Variants in CRACR2A observed in about 807,000 individuals in gnomAD.
The protein encoded by CRACR2A is calcium release activated channel regulator 2A.
In CRACR2A, 79 loss-of-function variants were observed where a neutral mutation model predicts 90.5. That is an observed-to-expected ratio of 0.87 (90% confidence interval 0.73 to 1.05). CRACR2A has a LOEUF of 1.05. Ranked by LOEUF, CRACR2A falls within the 50% of genes least tolerant of loss-of-function variation. The pLI, the probability that CRACR2A is intolerant of heterozygous loss-of-function variation, is 0.00. For synonymous variants in CRACR2A, 338 were observed against 356.7 expected (o/e 0.95, Z 0.59); for missense variants, 823 against 897.2 (o/e 0.92, Z 1.06).
intron 2 of CRACR2A, chr12:3,728,272 G>C (rs1946302905): frequency 6.6e-6 from 1 of 152,258 alleles, no homozygotes; most frequent in African/African-American, 2.4e-5. Context: ...AGCTGCAGCT[G>C]AAGACCATAG....
intron 7 of CRACR2A, 41 bp downstream of exon 7, chr12:3,673,405 C>A: frequency 6.3e-7 from 1 of 1,579,668 alleles, no homozygotes; most frequent in South Asian, 1.2e-5. Flanking sequence ...CTCTCTTTTT[C>A]ACACATAGTT....
At chr12:3,656,772 C>T (rs10848904) in intron 8 of CRACR2A, among the ~76,000 whole-genome samples, 41,448 of 151,936 alleles carry the variant, frequency 0.27, 5,997 homozygotes, top group East Asian at 0.45. Flanking sequence ...TCCTCATGTG[C>T]AAATTGGGGG....
At chr12:3,673,409 C>T (rs1246635653) in intron 7 of CRACR2A, 37 bp downstream of exon 7, 1 of 1,586,508 alleles carries the variant, frequency 6.3e-7, no homozygotes, top group East Asian at 2.2e-5. Context: ...CTTTTTCACA[C>T]ATAGTTACAG....
chr12:3,686,474 G>C (rs1945555073), intron 4 of CRACR2A, among the ~76,000 whole-genome samples: 1 of 152,186 alleles, frequency 6.6e-6, no homozygotes, highest in South Asian at 2.1e-4. Flanking sequence ...GGGGAGGCAG[G>C]TGCTTGGTGT....
At chr12:3,674,517 A>C (rs1299815470) in intron 6 of CRACR2A, among the ~76,000 whole-genome samples, 1 of 152,244 alleles carries the variant, frequency 6.6e-6, no homozygotes, top group Non-Finnish European at 1.5e-5. Context: ...AATCTGAAAG[A>C]GGATAGGTTT....
At chr12:3,647,962 A>G in intron 11 of CRACR2A, 1 of 985,540 alleles carries the variant, frequency 1.0e-6, no homozygotes, top group Non-Finnish European at 1.2e-6. Flanking sequence ...CTTTGAGTTT[A>G]TTGCTGGGGG....
intron 2 of CRACR2A, among the ~76,000 whole-genome samples, chr12:3,719,177 A>G (rs1946121121): frequency 6.6e-6 from 1 of 152,198 alleles, no homozygotes; most frequent in Admixed American, 6.5e-5. Flanking sequence ...AACCAAGCAC[A>G]TCTCAAACCC....
intron 17 of CRACR2A, among the ~76,000 whole-genome samples, chr12:3,621,675 A>C (rs1361692586): frequency 2.8e-5 from 4 of 144,138 alleles, no homozygotes; most frequent in Non-Finnish European, 6.0e-5. Context: ...AAAAAAAAAA[A>C]AAAAAACCAA....
chr12:3,626,296 C>T (rs2137298076), intron 17 of CRACR2A, among the ~76,000 whole-genome samples: 1 of 152,340 alleles, frequency 6.6e-6, no homozygotes, highest in Non-Finnish European at 1.5e-5. Flanking sequence ...TGGACAACTC[C>T]AAGAGTCTGC....
rs534087397 is a variant in CRACR2A at position 3,673,947 on chromosome 12, G to A, written c.525-355C>T. On this transcript the variant is annotated intron_variant, in intron 6 of 19. Transcript: ENST00000440314. ...CGGTGTTGGCCTCCTTCCCCACCTC[G>A]CTCTGCTGCTTCTGTTCTCCCGTGG... Among the ~76,000 whole-genome samples the A allele has an allele frequency of 2.6e-5, 4 of 152,248 alleles. No individual in the cohort carries two copies. In the South Asian group the frequency reaches 6.2e-4, roughly 24 times the overall value.
chr12:3,734,068 T>G (rs1946406661), intron 1 of CRACR2A, among the ~76,000 whole-genome samples: 1 of 149,366 alleles, frequency 6.7e-6, no homozygotes, highest in Non-Finnish European at 1.5e-5. Context: ...CCTCTCGGGT[T>G]CACGCCATTC....
At chr12:3,713,142 A>G in intron 3 of CRACR2A, 95 bp downstream of exon 3, 1 of 456,746 alleles carries the variant, frequency 2.2e-6, no homozygotes, top group Non-Finnish European at 2.9e-6. Context: ...AAAAACAGCT[A>G]CAATAGTGCT....
chr12:3,748,924 C>T (rs141105043), intron 1 of CRACR2A, among the ~76,000 whole-genome samples: 263 of 152,240 alleles, frequency 1.7e-3, no homozygotes, highest in African/African-American at 6.2e-3. Context: ...TCTCCTGAGT[C>T]CTGTGAGGGG....
intron 1 of CRACR2A, among the ~76,000 whole-genome samples, chr12:3,740,200 GC>G (rs894784912): frequency 7.2e-5 from 11 of 152,098 alleles, no homozygotes; most frequent in Middle Eastern, 6.8e-3. Context: ...ATGCTGGAGA[GC>G]CCCCCAGCTT....
intron 3 of CRACR2A, among the ~76,000 whole-genome samples, chr12:3,701,889 C>T (rs534380629): frequency 1.3e-5 from 2 of 152,162 alleles, no homozygotes; most frequent in Admixed American, 6.5e-5. Flanking sequence ...GCCAATATCC[C>T]TTATGAACAC....
At chr12:3,635,967 CA>C (rs376858068) in intron 14 of CRACR2A, among the ~76,000 whole-genome samples, 5 of 152,158 alleles carry the variant, frequency 3.3e-5, no homozygotes, top group African/African-American at 1.2e-4. Flanking sequence ...TATTAACTTA[CA>C]AATTTTTTTA....
chr12:3,672,581 A>T, intron 7 of CRACR2A: 1 of 208,132 alleles, frequency 4.8e-6, no homozygotes, highest in Non-Finnish European at 8.4e-6. Flanking sequence ...CCCTAGTCAT[A>T]CCACATCTAA....
intron 4 of CRACR2A, among the ~76,000 whole-genome samples, chr12:3,689,779 C>CT (rs56350961): frequency 0.53 from 76,872 of 145,720 alleles, 20,442 homozygotes; most frequent in African/African-American, 0.65. Context: ...ACCAGCTTTT[C>CT]TTTTTTTTTT....
At chr12:3,708,789 A>G (rs1480375670) in intron 3 of CRACR2A, among the ~76,000 whole-genome samples, 1 of 152,184 alleles carries the variant, frequency 6.6e-6, no homozygotes, top group Non-Finnish European at 1.5e-5. Flanking sequence ...TGGGAGCCCA[A>G]TCTAAGATAA....
Sources: allele counts gnomAD v4.1 joint callset (sites outside exome capture counted in the v4.1 genomes callset), GRCh38; gene constraint gnomAD v4.1.1; transcripts MANE v1.5; gene names NCBI Gene and HGNC (gene_info 2026-07-23, HGNC 2026-07-21).